PCDHGA8: variants seen among roughly 807,000 people sequenced by gnomAD.
PCDHGA8 encodes the protein protocadherin gamma subfamily A, 8.
A neutral mutation model predicts 59.2 loss-of-function variants in PCDHGA8; 45 were observed. That is an observed-to-expected ratio of 0.76 (90% CI 0.60 to 0.98). The LOEUF is 0.98. Among genes scored for constraint, PCDHGA8 ranks in the 50% least tolerant of loss-of-function variants. PCDHGA8 has a pLI of 0.00. For synonymous variants in PCDHGA8, 531 were observed against 519.0 expected (o/e 1.02, Z -0.32); for missense variants, 1,257 against 1,196.2 (o/e 1.05, Z -0.75).
At position 141,432,995 on chromosome 5, in the gene PCDHGA8, G is replaced by A. The variant is rs576866505; in HGVS notation, c.2424+37758G>A. On this transcript the variant is annotated intron_variant, in intron 1 of 3. Transcript: ENST00000398604. This position sits in a 1 kb window ranked among gnomAD's most constrained non-coding sequence, Gnocchi z 6.0. ...GTCGCACTTTGTGGGCGTGGACGGGGTGCAGGCTTTCCTGCAGACCTATTC... is the reference window on the plus strand; with the variant it reads ...GTCGCACTTTGTGGGCGTGGACGGGATGCAGGCTTTCCTGCAGACCTATTC... The A allele has an allele frequency of 1.2e-6, 2 of 1,614,226 alleles. No individual in the cohort carries two copies. The highest frequency in any genetic ancestry group is 3.3e-5 in the Admixed American group (2 of 60,028).
At chr5:141,471,444 A>G (rs1366430114) in intron 1 of PCDHGA8, 1 of 152,150 alleles carries the variant, frequency 6.6e-6, no homozygotes, top group Non-Finnish European at 1.5e-5. Context: ...AATCTCATGT[A>G]CCTTTTGAAA....
rs116140192 is a variant in PCDHGA8, at chr5:141,497,400, A to C, written c.2483+2535A>C. Among the ~76,000 whole-genome samples, 87 of 152,110 alleles carry C rather than the reference A, an allele frequency of 5.7e-4. 1 individual carries two copies. Among genetic ancestry groups the C allele is most frequent in the African/African-American group, 2.0e-3 (82 of 41,484 alleles). ...GGGGTGAGCACCTTACCCCTGCCTCAACTCCCATTCCATCAAATGAGAGGC... is the reference window on the plus strand; with the variant it reads ...GGGGTGAGCACCTTACCCCTGCCTCCACTCCCATTCCATCAAATGAGAGGC... On this transcript the variant is annotated intron_variant, in intron 2 of 3. Coordinates refer to ENST00000398604, the MANE Select transcript of PCDHGA8 (RefSeq NM_032088.2).
rs373297942 is a variant in PCDHGA8 at position 141,431,494 on chromosome 5, C to G, written c.2424+36257C>G. ...ACAACGCACCAGCGTTTGCTCAGCCCGAGTACCGCGCGAGCGTTCCGGAGA... is the reference window on the plus strand; with the variant it reads ...ACAACGCACCAGCGTTTGCTCAGCCGGAGTACCGCGCGAGCGTTCCGGAGA... On this transcript the variant is annotated intron_variant, in intron 1 of 3. Transcript: ENST00000398604. This position sits in a 1 kb window ranked among gnomAD's most constrained non-coding sequence, Gnocchi z 4.8. 16 of 1,613,838 alleles carry G rather than the reference C, an allele frequency of 9.9e-6. No individual in the cohort carries two copies. The highest frequency in any genetic ancestry group is 1.4e-5 in the Non-Finnish European group (16 of 1,180,030).
At chr5:141,416,210 A>G (rs1264276644) in intron 1 of PCDHGA8, 2 of 152,420 alleles carry the variant, frequency 1.3e-5, no homozygotes, top group African/African-American at 4.8e-5. Flanking sequence ...TATTTATAAC[A>G]ATGTATGCTT....
At chr5:141,465,649 A>C (rs1174371552) in intron 1 of PCDHGA8, among the ~76,000 whole-genome samples, 1 of 152,200 alleles carries the variant, frequency 6.6e-6, no homozygotes, top group African/African-American at 2.4e-5. Context: ...TGAACATCCC[A>C]AAAAAGCGCT....
chr5:141,410,023 C>G, intron 1 of PCDHGA8: 1 of 1,613,310 alleles, frequency 6.2e-7, no homozygotes, highest in Non-Finnish European at 8.5e-7. Context: ...TGTCCTACCA[C>G]GTGCTGCAGG....
At chr5:141,404,806 G>T (rs774487660) in intron 1 of PCDHGA8, 2 of 1,613,992 alleles carry the variant, frequency 1.2e-6, no homozygotes, top group South Asian at 1.1e-5. Context: ...GGCTCTTCTC[G>T]GTGGGGCTGC....
intron 1 of PCDHGA8, chr5:141,403,000 A>T: frequency 1.1e-5 from 18 of 1,613,980 alleles, no homozygotes; most frequent in Non-Finnish European, 1.4e-5. Context: ...TAGTCCTGCT[A>T]TGCTCGCTCC....
At chr5:141,509,872 G>A (rs968745661) in intron 3 of PCDHGA8, among the ~76,000 whole-genome samples, 1 of 152,166 alleles carries the variant, frequency 6.6e-6, no homozygotes, top group Non-Finnish European at 1.5e-5. Context: ...CCAAGCTGCT[G>A]GTGGTGATGG....
intron 1 of PCDHGA8, among the ~76,000 whole-genome samples, chr5:141,470,664 G>A (rs1308061207): frequency 6.6e-6 from 1 of 151,882 alleles, no homozygotes; most frequent in Non-Finnish European, 1.5e-5. Context: ...CTTTGGTTAG[G>A]GCTCTGCTGT....
intron 1 of PCDHGA8, chr5:141,418,245 A>G: frequency 5.6e-6 from 9 of 1,614,046 alleles, no homozygotes; most frequent in Non-Finnish European, 7.6e-6. Flanking sequence ...GTTAATGACC[A>G]CGCCCCTCAA....
chr5:141,403,626 C>T, intron 1 of PCDHGA8: 1 of 1,613,910 alleles, frequency 6.2e-7, no homozygotes, highest in Non-Finnish European at 8.5e-7. Context: ...CGCTCCAGCA[C>T]AGTGCGCATC....
At chr5:141,410,419 T>TC (rs769125626) in intron 1 of PCDHGA8, 49 of 1,613,886 alleles carry the variant, frequency 3.0e-5, no homozygotes, top group Non-Finnish European at 3.6e-5. Context: ...GACCTGTAGT[T>TC]CCCCCCAACT....
chr5:141,475,705 A>G (rs2099367264), intron 1 of PCDHGA8, among the ~76,000 whole-genome samples: 1 of 152,246 alleles, frequency 6.6e-6, no homozygotes. Flanking sequence ...CAGAACGGCT[A>G]GCCTCACAGC....
In PCDHGA8 at chr5:141,394,544, G is replaced by A. The variant is rs759661980; in HGVS notation, c.1731G>A (p.Leu577=). 2.5e-6 allele frequency: 4 copies of A among 1,614,054 alleles called. No individual in the cohort carries two copies. In the South Asian group the frequency reaches 3.3e-5, roughly 13 times the overall value. ...CAGACGGTTCCACTGGCGTGGAGCT[G>A]GCGCCCCGCTCCGCAGAGCGTGGCT... ...LPTDGSTGVE[L]APRSAERGYL... The change falls in exon 1 of 4, where the codon CTG becomes CTA. Residue 577 remains leucine, a synonymous_variant. Coordinates refer to ENST00000398604, the MANE Select transcript of PCDHGA8 (RefSeq NM_032088.2).
chr5:141,484,647 G>C (rs556711906), intron 1 of PCDHGA8, among the ~76,000 whole-genome samples: 1 of 151,948 alleles, frequency 6.6e-6, no homozygotes, highest in African/African-American at 2.4e-5. Context: ...CTCTCCAATG[G>C]CTACTCTCCC....
chr5:141,512,942 C>T lies in PCDHGA8; in HGVS notation c.*1769C>T, dbSNP rs1596321854. 3.3e-5 allele frequency: 5 copies of T among 151,644 alleles called. No individual in the cohort carries two copies. The South Asian group carries it at 1.0e-3, about 32-fold the overall frequency. The allele number at this position is 151,644 out of a possible 1,614,324, so 9.4% of individuals were successfully genotyped here. On this transcript the variant is annotated 3_prime_UTR_variant, in exon 4 of 4. Transcript: ENST00000398604. Reference sequence around the variant, plus strand: ...TAATATTTATATGGCTTTTTTTCTTCGACAAAAAAATAATAAAACGTTTCT... The same window carrying T: ...TAATATTTATATGGCTTTTTTTCTTTGACAAAAAAATAATAAAACGTTTCT...
chr5:141,476,744 C>A lies in PCDHGA8; in HGVS notation c.2425-18063C>A, dbSNP rs1168392300. ...CCTGGACCGAGAACGGGAGCCTAGT[C>A]TCCAGTTAGTGCTGACGGCGTTGGA... On this transcript the variant is annotated intron_variant, in intron 1 of 3. Coordinates refer to ENST00000398604, the MANE Select transcript of PCDHGA8 (RefSeq NM_032088.2). The surrounding 1 kb of genome is among the most constrained non-coding windows in gnomAD (Gnocchi z 7.6). 1.2e-6 allele frequency: 2 copies of A among 1,614,046 alleles called. No individual in the cohort carries two copies. Among genetic ancestry groups the A allele is most frequent in the Admixed American group, 3.3e-5 (2 of 60,034 alleles).
At chr5:141,405,370 G>C in intron 1 of PCDHGA8, 1 of 1,606,236 alleles carries the variant, frequency 6.2e-7, no homozygotes, top group Non-Finnish European at 8.5e-7. Flanking sequence ...ACACCCCTTT[G>C]GTTCCGGTGA....
Sources: gnomAD v4.1 joint callset for allele counts (sites outside exome capture counted in the v4.1 genomes callset) on GRCh38, gnomAD v4.1.1 for gene constraint, Gnocchi (gnomAD v3.1) non-coding constraint, MANE v1.5 for transcripts, NCBI Gene and HGNC (gene_info 2026-07-23, HGNC 2026-07-21) for gene names.